Variants in NEK10 observed in about 807,000 individuals in gnomAD.
The protein encoded by NEK10 is NIMA related kinase 10.
NEK10 carries 122 observed loss-of-function variants against 159.8 expected under a neutral mutation model. The ratio of observed to expected loss-of-function variants is 0.76; its 90% CI spans 0.66 to 0.89. The LOEUF is 0.89. NEK10 is among the 40% of genes least tolerant of loss of function. The pLI is 0.00. For synonymous variants in NEK10, 466 were observed against 457.1 expected (o/e 1.02, Z -0.25); for missense variants, 1,342 against 1,323.1 (o/e 1.01, Z -0.22).
chr3:27,286,139 G>A (rs1293723507), intron 20 of NEK10, among the ~76,000 whole-genome samples: 1 of 121,268 alleles, frequency 8.2e-6, no homozygotes, highest in Non-Finnish European at 1.6e-5. Context: ...AGGCTGGACT[G>A]CAGTGGCGCG....
chr3:27,113,717 T>A (rs1207342411), intron 35 of NEK10, among the ~76,000 whole-genome samples: 2 of 152,182 alleles, frequency 1.3e-5, no homozygotes, highest in Admixed American at 1.3e-4. Context: ...TCTTTGGAAC[T>A]AGATCGGTTT....
At chr3:27,225,852 A>AG (rs11390955) in intron 23 of NEK10, among the ~76,000 whole-genome samples, 97,070 of 152,016 alleles carry the variant, frequency 0.64, 33,278 homozygotes, top group African/African-American at 0.91. Context: ...TTCAGCTGCA[A>AG]GGAGGCTAAG....
intron 23 of NEK10, 130 bp downstream of exon 23, chr3:27,256,166 G>C (rs1233661332): frequency 1.5e-5 from 7 of 454,034 alleles, no homozygotes; most frequent in Admixed American, 1.3e-4. Context: ...GTATTACCTA[G>C]ATAATTGAAA....
At chr3:27,185,467 G>A (rs951050472) in intron 26 of NEK10, among the ~76,000 whole-genome samples, 5 of 152,128 alleles carry the variant, frequency 3.3e-5, no homozygotes, top group African/African-American at 1.2e-4. Context: ...CAGGTGGCAG[G>A]TCTCCAAAGT....
At chr3:27,269,737 G>C (rs1324047151) in intron 22 of NEK10, among the ~76,000 whole-genome samples, 1 of 152,208 alleles carries the variant, frequency 6.6e-6, no homozygotes, top group East Asian at 1.9e-4. Flanking sequence ...AGGTATACCT[G>C]TATATGCTAT....
rs1940349297 is a variant in NEK10 at position 27,115,928 on chromosome 3, T to G, written c.3299+12A>C. 6.2e-7 allele frequency: 1 copy of G among 1,600,290 alleles called. No individual in the cohort carries two copies. Among genetic ancestry groups the G allele is most frequent in the African/African-American group, 1.3e-5 (1 of 74,622 alleles). ...TCATCTTTCACAATTGAAGGCAAAC[T>G]CTAGCTCTTACCTGTTAGATGTAAA... is the stretch of plus-strand genomic sequence containing the variant. On this transcript the variant is annotated intron_variant, in intron 35 of 35. Transcript: ENST00000691995.
intron 23 of NEK10, among the ~76,000 whole-genome samples, chr3:27,204,371 C>T (rs1158947113): frequency 9.9e-6 from 1 of 101,012 alleles, no homozygotes; most frequent in Non-Finnish European, 1.8e-5. Context: ...AGGTTAGTTA[C>T]ATATGTATAC....
Position 27,275,860 on chromosome 3 carries a change from C to T in NEK10, c.2014+8742G>A, listed in dbSNP as rs928843835. ...AGATTCTGGCAATACAGGGTAGGTC[C>T]AATTCAATGTCTGAAACTTTGGTGG... On this transcript the variant is annotated intron_variant, in intron 22 of 35. Transcript: ENST00000691995. Among the ~76,000 whole-genome samples the T allele has an allele frequency of 9.2e-5, 14 of 152,182 alleles. No homozygotes were observed. The South Asian group carries it at 2.7e-3, about 29-fold the overall frequency.
intron 23 of NEK10, among the ~76,000 whole-genome samples, chr3:27,217,522 G>A (rs1951656658): frequency 6.6e-6 from 1 of 152,006 alleles, no homozygotes; most frequent in Admixed American, 6.6e-5. Flanking sequence ...CACCAAAGTG[G>A]GACATCCGCC....
intron 23 of NEK10, among the ~76,000 whole-genome samples, chr3:27,236,667 A>G (rs1391202894): frequency 6.6e-6 from 1 of 152,156 alleles, no homozygotes; most frequent in African/African-American, 2.4e-5. Flanking sequence ...TAAGGACTTT[A>G]AAAGGGGAGA....
chr3:27,218,604 C>CAA (rs534568582), intron 23 of NEK10, among the ~76,000 whole-genome samples: 13,314 of 67,180 alleles, frequency 0.2, 1,173 homozygotes, highest in Non-Finnish European at 0.26. Context: ...GTCTCCATCT[C>CAA]AAAAAAAAAA....
intron 22 of NEK10, among the ~76,000 whole-genome samples, chr3:27,280,714 T>G (rs2042091614): frequency 6.6e-6 from 1 of 152,152 alleles, no homozygotes; most frequent in African/African-American, 2.4e-5. Flanking sequence ...CAACTGGAAC[T>G]CGCAGTGCTT....
chr3:27,217,262 G>A (rs758963898), intron 23 of NEK10, among the ~76,000 whole-genome samples: 15 of 152,124 alleles, frequency 9.9e-5, no homozygotes, highest in Admixed American at 5.9e-4. Context: ...TCCTGTATTC[G>A]TCCACTCTCG....
chr3:27,322,391 T>C, intron 5 of NEK10, 130 bp from the exon 6 acceptor site: 1 of 636,150 alleles, frequency 1.6e-6, no homozygotes, highest in Non-Finnish European at 2.9e-6. Context: ...GGGACTGTTA[T>C]TTGGTACTTG....
rs1291386635 is a variant in NEK10 at position 27,311,023 on chromosome 3, A to T, written c.569-7T>A. On this transcript the variant is annotated splice_polypyrimidine_tract_variant and splice_region_variant and intron_variant, in intron 8 of 35. Transcript: ENST00000691995. ...GCAAGTTTTTGAAAAATATCTATAA[A>T]GGAAAGAAAGAGCGCAAAGAGGCAT... is the stretch of plus-strand genomic sequence containing the variant. 7.5e-6 allele frequency: 12 copies of T among 1,596,530 alleles called. No homozygotes were observed. The highest frequency in any genetic ancestry group is 1.3e-5 in the African/African-American group (1 of 74,554).
At chr3:27,278,250 G>GTAA (rs1482959585) in intron 22 of NEK10, among the ~76,000 whole-genome samples, 2 of 152,096 alleles carry the variant, frequency 1.3e-5, no homozygotes, top group Non-Finnish European at 2.9e-5. Flanking sequence ...ACAGTATTTT[G>GTAA]CATATACATT....
intron 5 of NEK10, among the ~76,000 whole-genome samples, chr3:27,340,172 C>T (rs2047101196): frequency 6.6e-6 from 1 of 152,156 alleles, no homozygotes; most frequent in Non-Finnish European, 1.5e-5. Context: ...GAATACTATG[C>T]AGCCATAAAA....
intron 30 of NEK10, among the ~76,000 whole-genome samples, chr3:27,153,171 T>C (rs948674591): frequency 2.0e-5 from 3 of 151,904 alleles, no homozygotes; most frequent in African/African-American, 7.3e-5. Flanking sequence ...ATACAAAAAA[T>C]TAGCCGGGCA....
chr3:27,286,110 G>A, intron 20 of NEK10, among the ~76,000 whole-genome samples: 1 of 93,278 alleles, frequency 1.1e-5, no homozygotes, highest in East Asian at 3.0e-4. Context: ...TTTTGAGATG[G>A]AGTCTCACTC....
Sources: gnomAD v4.1 joint callset for allele counts (sites outside exome capture counted in the v4.1 genomes callset) on GRCh38, gnomAD v4.1.1 for gene constraint, MANE v1.5 for transcripts, NCBI Gene and HGNC (gene_info 2026-07-23, HGNC 2026-07-21) for gene names.